The following TENM3 variants were observed in gnomAD, a reference collection of about 807,000 sequenced individuals.
TENM3 encodes the protein teneurin transmembrane protein 3, also known as teneurin-3.
TENM3 carries 63 observed loss-of-function variants against 255.1 expected under a neutral mutation model. The ratio of observed to expected loss-of-function variants is 0.25; its 90% CI spans 0.20 to 0.30. The LOEUF is 0.30. Among genes scored for constraint, TENM3 ranks in the 10% least tolerant of loss-of-function variants. The pLI, the probability that TENM3 is intolerant of heterozygous loss-of-function variation, is 1.00. For missense variants in TENM3, 2,929 were observed against 3,461.1 expected (o/e 0.85, Z 3.86); for synonymous variants, 1,306 against 1,322.3 (o/e 0.99, Z 0.27).
chr4:182,192,439 G>T (rs17072835), intron 1 of TENM3, among the ~76,000 whole-genome samples: 14,051 of 152,202 alleles, frequency 0.092, 785 homozygotes, highest in African/African-American at 0.14. Context: ...ACTGGTTTTT[G>T]ATGTATTCGC....
At chr4:181,733,612 C>T in the TENM3 span, among the ~76,000 whole-genome samples, 1 of 152,120 alleles carries the variant, frequency 6.6e-6, no homozygotes, top group Non-Finnish European at 1.5e-5. Context: ...TTGAATGATG[C>T]TACCAGCTTT....
chr4:182,512,251 G>A (rs1366704043), intron 3 of TENM3, among the ~76,000 whole-genome samples: 1 of 152,160 alleles, frequency 6.6e-6, no homozygotes, highest in East Asian at 1.9e-4. Context: ...GAGGTACCAG[G>A]CCGAAAATGG....
the TENM3 span, among the ~76,000 whole-genome samples, chr4:181,922,230 A>C: frequency 2.0e-5 from 3 of 152,210 alleles, no homozygotes; most frequent in South Asian, 4.1e-4. Context: ...CTTTGGTATC[A>C]GGATGATGCT....
chr4:181,943,433 A>G, the TENM3 span, among the ~76,000 whole-genome samples: 1 of 152,304 alleles, frequency 6.6e-6, no homozygotes, highest in East Asian at 1.9e-4. Flanking sequence ...TCTGACTCCA[A>G]AGATTATTCT....
At chr4:182,134,974 G>A in the TENM3 span, among the ~76,000 whole-genome samples, 1 of 151,898 alleles carries the variant, frequency 6.6e-6, no homozygotes, top group Non-Finnish European at 1.5e-5. Flanking sequence ...TTGGGAGGCC[G>A]AGGAGGGTGG....
chr4:181,541,182 T>C, the TENM3 span, among the ~76,000 whole-genome samples: 1 of 152,000 alleles, frequency 6.6e-6, no homozygotes, highest in Non-Finnish European at 1.5e-5. Flanking sequence ...GAGACCAGCC[T>C]GGGCAATATA....
the TENM3 span, among the ~76,000 whole-genome samples, chr4:181,811,297 C>T: frequency 6.6e-6 from 1 of 152,044 alleles, no homozygotes; most frequent in South Asian, 2.1e-4. Flanking sequence ...TTTACTGTTA[C>T]TTTTGTTATA....
chr4:181,743,547 G>A, the TENM3 span, among the ~76,000 whole-genome samples: 16 of 152,184 alleles, frequency 1.1e-4, no homozygotes, highest in African/African-American at 3.1e-4. Flanking sequence ...AAATCATTCC[G>A]GGAAGAAAGA....
rs573186514 is a variant in TENM3, at chr4:182,244,196, G to T, written c.-76+720G>T. 2.7e-5 allele frequency among the ~76,000 whole-genome samples: 4 copies of T among 150,644 alleles called. No homozygotes were observed. The East Asian group carries it at 7.9e-4, about 30-fold the overall frequency. Reference sequence around the variant, plus strand: ...TCTCGATCTCCTGACCTCGTGATCCGCCCGCCTCGGCCTCCCAAAGTGCTG... The same window carrying T: ...TCTCGATCTCCTGACCTCGTGATCCTCCCGCCTCGGCCTCCCAAAGTGCTG... On this transcript the variant is annotated intron_variant, in intron 1 of 27. Coordinates refer to ENST00000511685, the MANE Select transcript of TENM3 (RefSeq NM_001080477.4).
intron 12 of TENM3, among the ~76,000 whole-genome samples, chr4:182,712,043 GT>G (rs1439720723): frequency 6.6e-6 from 1 of 151,844 alleles, no homozygotes; most frequent in African/African-American, 2.4e-5. Flanking sequence ...GAGAAATTTC[GT>G]TTATTTCATA....
intron 1 of TENM3, among the ~76,000 whole-genome samples, chr4:182,178,323 G>T (rs1378970272): frequency 3.9e-5 from 6 of 151,992 alleles, no homozygotes; most frequent in Non-Finnish European, 8.8e-5. Flanking sequence ...TGTAGCCCAG[G>T]GATAGAACTT....
At chr4:181,800,490 G>A in the TENM3 span, among the ~76,000 whole-genome samples, 1 of 152,096 alleles carries the variant, frequency 6.6e-6, no homozygotes. Context: ...AAAATTAGCT[G>A]GGCATGGTGG....
chr4:182,279,268 A>G (rs1362727033), intron 1 of TENM3, among the ~76,000 whole-genome samples: 1 of 152,174 alleles, frequency 6.6e-6, no homozygotes, highest in Non-Finnish European at 1.5e-5. Context: ...GATTATATAT[A>G]TGCATATATA....
chr4:181,694,903 CCTCT>C, the TENM3 span, among the ~76,000 whole-genome samples: 3 of 152,146 alleles, frequency 2.0e-5, no homozygotes, highest in African/African-American at 7.2e-5. Context: ...ATTCCAATTG[CCTCT>C]CTGTCACCTT....
chr4:182,458,653 ATG>A (rs1774060471), intron 3 of TENM3, among the ~76,000 whole-genome samples: 1 of 152,240 alleles, frequency 6.6e-6, no homozygotes, highest in Admixed American at 6.5e-5. Flanking sequence ...ATAAAACATA[ATG>A]TGAACAAATA....
chr4:182,439,058 C>A (rs1281739026), intron 3 of TENM3, among the ~76,000 whole-genome samples: 4 of 152,194 alleles, frequency 2.6e-5, no homozygotes, highest in African/African-American at 9.7e-5. Context: ...TCAGGAGTTA[C>A]ATTTAACTTG....
chr4:182,373,883 A>G lies in TENM3; in HGVS notation c.511+26954A>G, dbSNP rs1767008519. On this transcript the variant is annotated intron_variant, in intron 3 of 27. Transcript: ENST00000511685. The stretch of plus-strand genomic sequence containing the variant: ...GCTATACAACATTTAAAGACTTCAA[A>G]ATTTTGGATTCCCCTACTTTGTGAA... Among the ~76,000 whole-genome samples, 4 of 152,044 alleles carry G rather than the reference A, an allele frequency of 2.6e-5. No individual in the cohort carries two copies. In the South Asian group the frequency reaches 8.3e-4, roughly 32 times the overall value.
chr4:182,346,550 A>G (rs762487803), intron 2 of TENM3, 101 bp from the exon 3 acceptor site: 2 of 1,062,958 alleles, frequency 1.9e-6, no homozygotes, highest in Non-Finnish European at 2.7e-6. Context: ...TAAATGTTTG[A>G]GTGTTTATTT....
At position 182,776,440 on chromosome 4, in the gene TENM3, A is replaced by G. The variant is rs117483887; in HGVS notation, c.5304+1287A>G. Among the ~76,000 whole-genome samples, 19 of 152,266 alleles carry G rather than the reference A, an allele frequency of 1.2e-4. No homozygotes were observed. The East Asian group carries it at 2.9e-3, about 23-fold the overall frequency. ...ACAAGAAAAGAAAAGGCATGGTTAT[A>G]TATTCCCTGACCCTAACGCAGATAG... On this transcript the variant is annotated intron_variant, in intron 24 of 27. Transcript: ENST00000511685.
Sources: allele counts gnomAD v4.1 joint callset (sites outside exome capture counted in the v4.1 genomes callset), GRCh38; gene constraint gnomAD v4.1.1; transcripts MANE v1.5; gene names NCBI Gene and HGNC (gene_info 2026-07-23, HGNC 2026-07-21).